ETV6: variants seen among roughly 807,000 people sequenced by gnomAD.
The protein encoded by ETV6 is transcription factor ETV6.
Under a neutral mutation model 51.1 loss-of-function variants are expected in ETV6, and 16 were observed. That is an observed-to-expected ratio of 0.31 (90% CI 0.21 to 0.48). ETV6 has a LOEUF of 0.48. Among genes scored for constraint, ETV6 ranks in the 20% least tolerant of loss-of-function variants. ETV6 has a pLI of 0.99. For synonymous variants in ETV6, 240 were observed against 224.1 expected (o/e 1.07, Z -0.64); for missense variants, 458 against 594.8 (o/e 0.77, Z 2.39).
intron 2 of ETV6, among the ~76,000 whole-genome samples, chr12:11,828,750 T>A (rs556268557): frequency 4.6e-5 from 7 of 152,336 alleles, no homozygotes; most frequent in African/African-American, 1.7e-4. Context: ...GTACTTGCTC[T>A]AATCTCTTCC....
intron 2 of ETV6, among the ~76,000 whole-genome samples, chr12:11,819,184 C>T (rs543052946): frequency 9.8e-5 from 15 of 152,328 alleles, no homozygotes; most frequent in Middle Eastern, 6.8e-3. Flanking sequence ...TCCTCACCTC[C>T]CATTAGCGCC....
At chr12:11,800,772 G>T (rs1444362298) in intron 2 of ETV6, among the ~76,000 whole-genome samples, 1 of 152,044 alleles carries the variant, frequency 6.6e-6, no homozygotes, top group East Asian at 1.9e-4. Context: ...TTACTCCCCA[G>T]AAAGAATTAA....
At chr12:11,851,829 G>A (rs939196448) in intron 3 of ETV6, among the ~76,000 whole-genome samples, 6 of 152,194 alleles carry the variant, frequency 3.9e-5, no homozygotes, top group African/African-American at 1.4e-4. Context: ...GGTATCCGTG[G>A]AGTTTTATTT....
At chr12:11,811,934 G>C (rs769372018) in intron 2 of ETV6, among the ~76,000 whole-genome samples, 10 of 152,196 alleles carry the variant, frequency 6.6e-5, no homozygotes, top group Non-Finnish European at 1.2e-4. Flanking sequence ...GAACTGGAAA[G>C]CTGAGATGGA....
intron 1 of ETV6, among the ~76,000 whole-genome samples, chr12:11,719,923 C>T (rs962039007): frequency 2.0e-5 from 3 of 152,138 alleles, no homozygotes; most frequent in Admixed American, 1.3e-4. Context: ...GTCTGGGCTC[C>T]GGCACAGTCA....
intron 5 of ETV6, among the ~76,000 whole-genome samples, chr12:11,882,681 A>T (rs1450060190): frequency 6.6e-6 from 1 of 152,240 alleles, no homozygotes. Flanking sequence ...CCTGTAAAGT[A>T]AGTGCTGTTA....
chr12:11,832,591 C>T (rs1946260629), intron 2 of ETV6, among the ~76,000 whole-genome samples: 2 of 152,206 alleles, frequency 1.3e-5, no homozygotes, highest in African/African-American at 2.4e-5. Flanking sequence ...AAATTCAGGA[C>T]AGATTTTCAA....
At chr12:11,673,673 A>G (rs1864362412) in intron 1 of ETV6, among the ~76,000 whole-genome samples, 1 of 152,184 alleles carries the variant, frequency 6.6e-6, no homozygotes, top group East Asian at 1.9e-4. Flanking sequence ...AGTTGCCCAA[A>G]TACATCAGTT....
At chr12:11,861,677 A>G (rs1188051451) in intron 4 of ETV6, among the ~76,000 whole-genome samples, 1 of 152,102 alleles carries the variant, frequency 6.6e-6, no homozygotes, top group Non-Finnish European at 1.5e-5. Context: ...CTTTACCCCT[A>G]GGGAAATGCC....
At chr12:11,808,161 G>A (rs1203316822) in intron 2 of ETV6, among the ~76,000 whole-genome samples, 2 of 152,204 alleles carry the variant, frequency 1.3e-5, no homozygotes, top group Non-Finnish European at 2.9e-5. Flanking sequence ...GATGGCATAC[G>A]TAGTTCATTC....
rs535293676 is a variant in ETV6 at position 11,869,192 on chromosome 12, T to C, written c.464-232T>C. Among the ~76,000 whole-genome samples, 102 of 150,346 alleles carry C rather than the reference T, an allele frequency of 6.8e-4. No homozygotes were observed. Among genetic ancestry groups the C allele is most frequent in the Admixed American group, 5.1e-3 (77 of 15,078 alleles). ...CAGAGCTTGCAGTGAGCCGAGATCG[T>C]GCCACTGCACTCCAGCCTGGGCAAC... On this transcript the variant is annotated intron_variant, in intron 4 of 7. Transcript: ENST00000396373. This position sits in a 1 kb window ranked among gnomAD's most constrained non-coding sequence, Gnocchi z 5.0.
At chr12:11,829,127 T>G (rs527457589) in intron 2 of ETV6, among the ~76,000 whole-genome samples, 1 of 152,168 alleles carries the variant, frequency 6.6e-6, no homozygotes, top group Admixed American at 6.5e-5. Flanking sequence ...GCCTCATAGC[T>G]CCTGCCAGAG....
chr12:11,801,640 T>C (rs1239648176), intron 2 of ETV6, among the ~76,000 whole-genome samples: 2 of 152,148 alleles, frequency 1.3e-5, no homozygotes, highest in Admixed American at 1.3e-4. Context: ...GGTTTACCAG[T>C]TTTCATGTAA....
At chr12:11,847,571 G>A (rs1946484005) in intron 3 of ETV6, among the ~76,000 whole-genome samples, 1 of 152,242 alleles carries the variant, frequency 6.6e-6, no homozygotes. Context: ...AAGCCATGGA[G>A]TATTCTAAGA....
chr12:11,730,392 A>T (rs183988700), intron 1 of ETV6, among the ~76,000 whole-genome samples: 46 of 152,350 alleles, frequency 3.0e-4, no homozygotes, highest in Non-Finnish European at 6.0e-4. Context: ...CAGAAGTCCA[A>T]TGAGGCTGCT....
chr12:11,790,239 A>T (rs907516670), intron 2 of ETV6, among the ~76,000 whole-genome samples: 1 of 151,178 alleles, frequency 6.6e-6, no homozygotes, highest in Non-Finnish European at 1.5e-5. Context: ...TCTTTCCCTG[A>T]GTTGTCTGTT....
At chr12:11,653,460 C>A (rs1042139811) in intron 1 of ETV6, among the ~76,000 whole-genome samples, 1 of 152,160 alleles carries the variant, frequency 6.6e-6, no homozygotes, top group Non-Finnish European at 1.5e-5. Context: ...AGAAGGAAAT[C>A]TGGTTTTTAA....
chr12:11,702,588 C>T (rs1310543793), intron 1 of ETV6, among the ~76,000 whole-genome samples: 2 of 144,796 alleles, frequency 1.4e-5, no homozygotes, highest in Non-Finnish European at 3.0e-5. Context: ...CATGGCCCTT[C>T]CCCACTGCCT....
chr12:11,883,276 C>CTTCTTTTTTTTTTTTTTTTTTTTTT (rs776231778), intron 5 of ETV6, among the ~76,000 whole-genome samples: 1 of 79,114 alleles, frequency 1.3e-5, no homozygotes, highest in Admixed American at 1.6e-4. Flanking sequence ...ATGTCTTCTT[C>CTTCTTTTTTTTTTTTTTTTTTTTTT]TTTTTTTTTT....
Sources: gnomAD v4.1 joint callset for allele counts (sites outside exome capture counted in the v4.1 genomes callset) on GRCh38, gnomAD v4.1.1 for gene constraint, Gnocchi (gnomAD v3.1) non-coding constraint, MANE v1.5 for transcripts, NCBI Gene and HGNC (gene_info 2026-07-23, HGNC 2026-07-21) for gene names.